The following ABR variants were observed in gnomAD, a reference collection of about 807,000 sequenced individuals.
The protein encoded by ABR is ABR activator of RhoGEF and GTPase.
Under a neutral mutation model 107.2 loss-of-function variants are expected in ABR, and 35 were observed. The ratio of observed to expected loss-of-function variants is 0.33; its 90% CI spans 0.25 to 0.43. The LOEUF (loss-of-function observed/expected upper bound fraction) is 0.43. Among genes scored for constraint, ABR ranks in the 20% least tolerant of loss-of-function variants. The probability of loss-of-function intolerance (pLI) is 1.00; values close to 1 mark genes in which losing one functional copy is unlikely to be tolerated. For missense variants in ABR, 815 were observed against 1,115.2 expected, an observed-to-expected ratio of 0.73 and a Z score of 3.83; for synonymous variants, 498 against 462.0, an observed-to-expected ratio of 1.08 and a Z score of -1.00.
intron 1 of ABR, among the ~76,000 whole-genome samples, chr17:1,127,301 C>A (rs938523469): frequency 6.6e-6 from 1 of 152,080 alleles, no homozygotes; most frequent in South Asian, 2.1e-4. Flanking sequence ...ATCACTGAGA[C>A]GCGTGTACGC....
At chr17:1,152,483 C>G (rs907225153) in intron 1 of ABR, among the ~76,000 whole-genome samples, 3 of 148,362 alleles carry the variant, frequency 2.0e-5, no homozygotes, top group African/African-American at 7.5e-5. Context: ...CTCAGCTACT[C>G]GGGAGGCTGA....
chr17:1,141,965 C>A (rs572102930), intron 1 of ABR, among the ~76,000 whole-genome samples: 6 of 151,978 alleles, frequency 3.9e-5, no homozygotes, highest in Non-Finnish European at 8.8e-5. Flanking sequence ...ACCATGTTAG[C>A]CAGGATGGTC....
chr17:1,190,639 C>G (rs553716723), upstream of ABR, among the ~76,000 whole-genome samples: 1 of 152,018 alleles, frequency 6.6e-6, no homozygotes, highest in African/African-American at 2.4e-5. Context: ...GGCTCCATCT[C>G]AAAAAAACAC....
chr17:1,196,300 C>T (rs1320137537), intron 1 of ABR, among the ~76,000 whole-genome samples: 3 of 150,432 alleles, frequency 2.0e-5, no homozygotes, highest in African/African-American at 7.4e-5. Flanking sequence ...CATGGTGGCA[C>T]GTGCCTGTAA....
intron 16 of ABR, among the ~76,000 whole-genome samples, chr17:1,023,907 C>T (rs58118306): frequency 1.6e-3 from 243 of 151,808 alleles, no homozygotes; most frequent in African/African-American, 5.8e-3. Context: ...TGCCTGTAAA[C>T]CCAGCTACTC....
chr17:1,137,714 A>T (rs1309996760), intron 1 of ABR, among the ~76,000 whole-genome samples: 2 of 152,196 alleles, frequency 1.3e-5, no homozygotes, highest in African/African-American at 4.8e-5. Flanking sequence ...GTGAAAAAAA[A>T]CGCAGCATCT....
chr17:1,082,097 TTC>T (rs1314869806), intron 5 of ABR, among the ~76,000 whole-genome samples: 1 of 152,076 alleles, frequency 6.6e-6, no homozygotes, highest in Admixed American at 6.5e-5. Flanking sequence ...TCCCCAACTC[TTC>T]TAGCGTTAGA....
chr17:1,051,352 A>G lies in ABR; in HGVS notation c.1562-718T>C, dbSNP rs1407487536. Among the ~76,000 whole-genome samples the G allele has an allele frequency of 6.8e-6, 1 of 147,240 alleles. No homozygotes were observed. The stretch of plus-strand genomic sequence containing the variant: ...CGCAGTACCAAGAACAGGGCTGGGA[A>G]CCCAGCTGGCACACGGTGAACGAGG... On this transcript the variant is annotated intron_variant, in intron 14 of 22. Coordinates refer to ENST00000302538, the MANE Select transcript of ABR (RefSeq NM_021962.5). The surrounding 1 kb of genome is among the most constrained non-coding windows in gnomAD (Gnocchi z 4.3).
intron 16 of ABR, chr17:1,031,559 G>T: frequency 2.7e-5 from 2 of 74,974 alleles, no homozygotes; most frequent in South Asian, 7.4e-4. Flanking sequence ...CAGCGCCCCC[G>T]AGCCCCCACC....
chr17:1,033,743 A>G (rs1415588572), intron 16 of ABR, among the ~76,000 whole-genome samples: 1 of 152,122 alleles, frequency 6.6e-6, no homozygotes, highest in Non-Finnish European at 1.5e-5. Context: ...GAGCCACAAC[A>G]GCCTCACCAG....
At chr17:1,222,886 G>C (rs1022209430) in intron 1 of ABR, among the ~76,000 whole-genome samples, 1 of 152,086 alleles carries the variant, frequency 6.6e-6, no homozygotes, top group Non-Finnish European at 1.5e-5. Context: ...TCCAGCTTGG[G>C]CAACAGAGTA....
chr17:1,034,861 G>A lies in ABR; in HGVS notation c.1791+15189C>T, dbSNP rs368324541. 3.9e-4 allele frequency among the ~76,000 whole-genome samples: 60 copies of A among 152,222 alleles called. No homozygotes were observed. The South Asian group carries it at 0.012, about 31-fold the overall frequency. On this transcript the variant is annotated intron_variant, in intron 16 of 22. Coordinates refer to ENST00000302538, the MANE Select transcript of ABR (RefSeq NM_021962.5). ...GAATGCACGCCCCTCCCTGCCGCCG[G>A]GTGTGGGGGAGAAGGGGGCCGTGTG...
upstream of ABR, among the ~76,000 whole-genome samples, chr17:1,187,842 C>T (rs1175580812): frequency 1.3e-5 from 2 of 151,642 alleles, no homozygotes; most frequent in South Asian, 4.2e-4. Context: ...TGCAGTGAGC[C>T]GAGATCATGC....
Position 1,223,071 on chromosome 17 carries a change from G to A in ABR, c.838+5722C>T, listed in dbSNP as rs188401858. Reference sequence around the variant, plus strand: ...ACAAAAAGTAACCGGGTGTGGTGGCGGGCACCTGTAATCCCAGCTACTCGG... The same window carrying A: ...ACAAAAAGTAACCGGGTGTGGTGGCAGGCACCTGTAATCCCAGCTACTCGG... On this transcript the variant is annotated intron_variant, in intron 1 of 22. Coordinates refer to the ABR transcript ENST00000574139. Among the ~76,000 whole-genome samples the A allele has an allele frequency of 1.1e-4, 17 of 152,004 alleles. No individual in the cohort carries two copies. The East Asian group carries it at 2.9e-3, about 26-fold the overall frequency.
At chr17:1,123,980 G>GC (rs1423106229) in intron 2 of ABR, among the ~76,000 whole-genome samples, 35 of 151,716 alleles carry the variant, frequency 2.3e-4, no homozygotes, top group Admixed American at 5.9e-4. Context: ...CCTCCCACCT[G>GC]CCCCCCGCCA....
At chr17:1,206,715 G>C (rs1251659267) in intron 1 of ABR, among the ~76,000 whole-genome samples, 2 of 152,038 alleles carry the variant, frequency 1.3e-5, no homozygotes, top group Non-Finnish European at 2.9e-5. Flanking sequence ...CTGCAAACCA[G>C]CTCACCAGAT....
chr17:1,188,587 G>A (rs1057324479), upstream of ABR, among the ~76,000 whole-genome samples: 4 of 151,642 alleles, frequency 2.6e-5, no homozygotes, highest in South Asian at 2.1e-4. Flanking sequence ...ACTAGGGGTC[G>A]CTACTAGCCT....
chr17:1,081,638 G>A (rs1216866269), intron 5 of ABR, among the ~76,000 whole-genome samples: 3 of 152,086 alleles, frequency 2.0e-5, no homozygotes, highest in Non-Finnish European at 4.4e-5. Flanking sequence ...GTGCAGTGGC[G>A]TGATCGCAGC....
At chr17:1,165,717 G>C (rs1253880464) in intron 1 of ABR, among the ~76,000 whole-genome samples, 1 of 152,118 alleles carries the variant, frequency 6.6e-6, no homozygotes, top group African/African-American at 2.4e-5. Flanking sequence ...TATTTTAGTA[G>C]AGACGGGGTT....
Sources: gnomAD v4.1 joint callset for allele counts (sites outside exome capture counted in the v4.1 genomes callset) on GRCh38, gnomAD v4.1.1 for gene constraint, Gnocchi (gnomAD v3.1) non-coding constraint, MANE v1.5 for transcripts, NCBI Gene and HGNC (gene_info 2026-07-23, HGNC 2026-07-21) for gene names.